Variants in GCNT2 observed in about 807,000 individuals in gnomAD.
GCNT2 encodes glucosaminyl (N-acetyl) transferase 2 (I blood group).
A neutral mutation model predicts 34.2 loss-of-function variants in GCNT2; 34 were observed. That is an observed-to-expected ratio of 1.00 (90% CI 0.76 to 1.32). The LOEUF is 1.32. GCNT2 is among the 40% of genes most tolerant of loss of function. The pLI, the probability that GCNT2 is intolerant of heterozygous loss-of-function variation, is 0.00. For missense variants in GCNT2, 584 were observed against 489.4 expected (o/e 1.19, Z -1.82); for synonymous variants, 212 against 188.0 (o/e 1.13, Z -1.04).
intron 3 of GCNT2, among the ~76,000 whole-genome samples, chr6:10,571,389 C>T (rs1288540563): frequency 1.3e-5 from 2 of 151,946 alleles, no homozygotes; most frequent in African/African-American, 2.4e-5. Context: ...CTCTTGTTAC[C>T]CAGGCTGGAT....
At chr6:10,580,724 G>A (rs1028776729) in intron 3 of GCNT2, among the ~76,000 whole-genome samples, 7 of 152,132 alleles carry the variant, frequency 4.6e-5, no homozygotes, top group Non-Finnish European at 7.4e-5. Flanking sequence ...TCCCCTGACC[G>A]GCATCTGCCT....
chr6:10,610,862 G>A lies in GCNT2; in HGVS notation c.926-10489G>A, dbSNP rs75355784. On this transcript the variant is annotated intron_variant, in intron 3 of 4. Coordinates refer to ENST00000495262, the MANE Select transcript of GCNT2 (RefSeq NM_145649.5). ...TCACATAGCTTGGTAACGAGGGGGA[G>A]GCATTAGGAAATTTTTGAAATCCAT... Among the ~76,000 whole-genome samples the A allele has an allele frequency of 8.1e-3, 1,238 of 152,254 alleles. 9 individuals are homozygous for A. The highest frequency in any genetic ancestry group is 0.054 in the Middle Eastern group (16 of 294).
In GCNT2 at chr6:10,582,498, A is replaced by C. The variant is rs1208928612; in HGVS notation, c.926-38853A>C. On this transcript the variant is annotated intron_variant, in intron 3 of 4. Coordinates refer to ENST00000495262, the MANE Select transcript of GCNT2 (RefSeq NM_145649.5). ...TACTATAATATATACTATAATATAT[A>C]ATATAATACATCATATATTATATTA... 2.3e-3 allele frequency among the ~76,000 whole-genome samples: 278 copies of C among 122,682 alleles called. 2 individuals are homozygous for C. Among genetic ancestry groups the C allele is most frequent in the Middle Eastern group, 4.2e-3 (1 of 236 alleles). 80.5% of individuals were successfully genotyped at this position (122,682 alleles called of 152,430 possible).
intron 4 of GCNT2, among the ~76,000 whole-genome samples, chr6:10,623,404 G>A (rs895821782): frequency 6.6e-6 from 1 of 151,306 alleles, no homozygotes; most frequent in African/African-American, 2.4e-5. Context: ...TGATTCTCAT[G>A]CCTCAGCCTC....
chr6:10,567,111 G>A (rs1489624040), intron 3 of GCNT2, among the ~76,000 whole-genome samples: 2 of 152,286 alleles, frequency 1.3e-5, no homozygotes, highest in East Asian at 3.9e-4. Context: ...TTGAGCCCAA[G>A]AGTTCAAGAT....
intron 1 of GCNT2, among the ~76,000 whole-genome samples, chr6:10,522,252 T>G (rs1460616206): frequency 6.6e-6 from 1 of 152,146 alleles, no homozygotes; most frequent in Non-Finnish European, 1.5e-5. Flanking sequence ...ATGAACCTCA[T>G]TTGATAATAG....
At chr6:10,545,970 G>A (rs1429967126) in intron 3 of GCNT2, among the ~76,000 whole-genome samples, 1 of 152,190 alleles carries the variant, frequency 6.6e-6, no homozygotes, top group Non-Finnish European at 1.5e-5. Flanking sequence ...TCCAAGGGCA[G>A]CTAGAAATGA....
At chr6:10,574,835 G>A (rs1763726294) in intron 3 of GCNT2, 5 of 663,638 alleles carry the variant, frequency 7.5e-6, no homozygotes, top group Non-Finnish European at 1.4e-5. Flanking sequence ...GGTGGAGCAG[G>A]CTGGCGCTTC....
intron 3 of GCNT2, chr6:10,556,512 ATCCAAGCT>A: frequency 6.2e-7 from 1 of 1,613,852 alleles, no homozygotes; most frequent in African/African-American, 1.3e-5. Context: ...TTTGGGGGAG[ATCCAAGCT>A]TCCAAAGGCT....
intron 3 of GCNT2, among the ~76,000 whole-genome samples, chr6:10,551,955 C>T (rs931162870): frequency 6.6e-6 from 1 of 151,664 alleles, no homozygotes; most frequent in African/African-American, 2.4e-5. Flanking sequence ...ATGGGGGTTC[C>T]ACCATGTTGG....
rs938327392 is a variant in GCNT2 at position 10,628,929 on chromosome 6, T to A, written c.*2322T>A. On this transcript the variant is annotated 3_prime_UTR_variant, in exon 5 of 5. Transcript: ENST00000495262. ...CCCAGCTATTTGGCAGGCTGAGGCA[T>A]GAGAATCGCTTGAACCCAGGAGGTG... 1 of 152,266 alleles carries A rather than the reference T, an allele frequency of 6.6e-6. No homozygotes were observed. The highest frequency in any genetic ancestry group is 1.5e-5 in the Non-Finnish European group (1 of 68,072). 9.4% of individuals were successfully genotyped at this position (152,266 alleles called of 1,614,324 possible).
chr6:10,585,725 C>CT, intron 3 of GCNT2: 1 of 1,356,180 alleles, frequency 7.4e-7, no homozygotes, highest in South Asian at 1.6e-5. Context: ...TTAGCTGAGC[C>CT]TTTGCAAACA....
chr6:10,605,386 T>TC (rs2127431210), intron 3 of GCNT2, among the ~76,000 whole-genome samples: 2 of 142,470 alleles, frequency 1.4e-5, no homozygotes, highest in African/African-American at 5.0e-5. Context: ...TTTTTTTTTT[T>TC]CTTTGTAGAG....
rs1581430167 is a variant in GCNT2, at chr6:10,575,035, C to A, written c.925+45199C>A. ...GCCAACGGCATGCTGGGGAACACTG[C>A]AGACTCTTCCCATTTAGCCATGGTA... On this transcript the variant is annotated intron_variant, in intron 3 of 4. Coordinates refer to ENST00000495262, the MANE Select transcript of GCNT2 (RefSeq NM_145649.5). 24 of 640,468 alleles carry A rather than the reference C, an allele frequency of 3.7e-5. No individual in the cohort carries two copies. In the East Asian group the frequency reaches 7.2e-4, roughly 19 times the overall value. The allele number at this position is 640,468 out of a possible 1,614,324, so 39.7% of individuals were successfully genotyped here.
intron 4 of GCNT2, among the ~76,000 whole-genome samples, chr6:10,625,901 A>G (rs1397849428): frequency 6.6e-6 from 1 of 152,252 alleles, no homozygotes; most frequent in Non-Finnish European, 1.5e-5. Context: ...AACAATTATA[A>G]CAATATGCTG....
intron 3 of GCNT2, among the ~76,000 whole-genome samples, chr6:10,607,400 AG>A (rs1765369167): frequency 6.6e-6 from 1 of 152,186 alleles, no homozygotes; most frequent in African/African-American, 2.4e-5. Flanking sequence ...ACTTTTAAAC[AG>A]CCAGATCTCA....
chr6:10,599,575 G>A (rs923365196), intron 3 of GCNT2, among the ~76,000 whole-genome samples: 7 of 152,124 alleles, frequency 4.6e-5, no homozygotes, highest in Admixed American at 2.0e-4. Flanking sequence ...TTCAGAGTCC[G>A]CCAGTGGTCC....
At chr6:10,560,908 T>C (rs1426671310) in intron 3 of GCNT2, among the ~76,000 whole-genome samples, 1 of 152,142 alleles carries the variant, frequency 6.6e-6, no homozygotes, top group Non-Finnish European at 1.5e-5. Flanking sequence ...TGGTTGTCCT[T>C]CTCTTCTGTG....
intron 3 of GCNT2, chr6:10,555,918 C>T (rs1762678912): frequency 2.0e-6 from 2 of 1,005,372 alleles, no homozygotes; most frequent in African/African-American, 3.5e-5. Context: ...TTGCCACGAA[C>T]AACAAGAGAG....
Sources: allele counts gnomAD v4.1 joint callset (sites outside exome capture counted in the v4.1 genomes callset), GRCh38; gene constraint gnomAD v4.1.1; transcripts MANE v1.5; gene names NCBI Gene and HGNC (gene_info 2026-07-23, HGNC 2026-07-21).